LETM2: variants seen among roughly 807,000 people sequenced by gnomAD.
LETM2 encodes LETM1 domain-containing protein LETM2, mitochondrial.
In LETM2, 58 loss-of-function variants were observed where a neutral mutation model predicts 59.6. The ratio of observed to expected loss-of-function variants is 0.97; its 90% CI spans 0.79 to 1.21. The LOEUF is 1.21. Ranked by LOEUF, LETM2 falls within the 50% of genes most tolerant of loss-of-function variation. The probability of loss-of-function intolerance (pLI) is 0.00; values close to 1 mark genes in which losing one functional copy is unlikely to be tolerated. For synonymous variants in LETM2, 199 were observed against 214.1 expected (o/e 0.93, Z 0.62); for missense variants, 572 against 575.7 (o/e 0.99, Z 0.07).
intron 4 of LETM2, among the ~76,000 whole-genome samples, chr8:38,395,415 T>G (rs1050909692): frequency 6.6e-6 from 1 of 152,228 alleles, no homozygotes; most frequent in Non-Finnish European, 1.5e-5. Context: ...TGTAGTGGTA[T>G]CTCACTGTTT....
At chr8:38,393,220 C>T (rs1215671630) in intron 3 of LETM2, 4 of 478,828 alleles carry the variant, frequency 8.4e-6, no homozygotes, top group African/African-American at 5.8e-5. Flanking sequence ...TTAAAAAAAA[C>T]TTTTATTTTA....
At position 38,408,162 on chromosome 8, in the gene LETM2, A is replaced by C. The variant is rs560129696; in HGVS notation, c.1414-50A>C. 2.1e-6 allele frequency: 3 copies of C among 1,442,854 alleles called. No individual in the cohort carries two copies. The African/African-American group carries it at 4.2e-5, about 20-fold the overall frequency. The allele number at this position is 1,442,854 out of a possible 1,614,324, so 89.4% of individuals were successfully genotyped here. A position where few individuals can be genotyped will look rare whatever the true frequency, so the allele number is the denominator to read the frequency against. ...ACAAAAATAGCATTCACTCCTTAAG[A>C]ACTTACACGTCTGTGACTAATGCCT... On this transcript the variant is annotated intron_variant, in intron 10 of 10. Transcript: ENST00000379957.
At chr8:38,390,493 G>C (rs999866501) in intron 2 of LETM2, among the ~76,000 whole-genome samples, 48 of 150,952 alleles carry the variant, frequency 3.2e-4, no homozygotes, top group Admixed American at 5.9e-4. Flanking sequence ...GTGGTGGCAG[G>C]CACCTGTATT....
intron 8 of LETM2, among the ~76,000 whole-genome samples, chr8:38,405,514 C>T (rs1191462802): frequency 6.6e-6 from 1 of 152,186 alleles, no homozygotes; most frequent in African/African-American, 2.4e-5. Context: ...TTGGACAAGC[C>T]AAGGAAAATT....
At position 38,388,030 on chromosome 8, in the gene LETM2, G is replaced by A; in HGVS notation, c.47G>A (p.Arg16Lys). The change falls in exon 2 of 11, where the codon AGA becomes AAA. Residue 16 changes from arginine (R) to lysine (K), a missense_variant and splice_region_variant. By Grantham distance (26) the Arg-to-Lys change is conservative. Transcript: ENST00000379957. ...TCAGTTCTGGCTATTGCTCGAACAA[G>A]GTAAGCATTGGAGTTACCCCCCAAT... is the stretch of plus-strand genomic sequence containing the variant. ...YNSVLAIARTRFPSHFVHPTC... is the reference protein window; with the variant it reads ...YNSVLAIARTKFPSHFVHPTC... The A allele has an allele frequency of 6.6e-7, 1 of 1,521,414 alleles. No individual in the cohort carries two copies. 94.2% of individuals were successfully genotyped at this position (1,521,414 alleles called of 1,614,324 possible).
chr8:38,399,428 C>T (rs1258504087), intron 4 of LETM2, among the ~76,000 whole-genome samples: 4 of 152,108 alleles, frequency 2.6e-5, no homozygotes, highest in Non-Finnish European at 5.9e-5. Context: ...AACCCAGGGC[C>T]ACTCAAGGAG....
At position 38,404,552 on chromosome 8, in the gene LETM2, G is replaced by C. The variant is rs545591988; in HGVS notation, c.1218+46G>C. On this transcript the variant is annotated intron_variant, in intron 8 of 10. Transcript: ENST00000379957. ...GGACCCTCGACGTCCATCCAACTGA[G>C]GCCTCTCCACAAACACTTGGTGTAC... is the stretch of plus-strand genomic sequence containing the variant. 25 of 1,195,384 alleles carry C rather than the reference G, an allele frequency of 2.1e-5. No individual in the cohort carries two copies. The East Asian group carries it at 5.4e-4, about 26-fold the overall frequency. The allele number at this position is 1,195,384 out of a possible 1,614,324, so 74.0% of individuals were successfully genotyped here. A position where few individuals can be genotyped will look rare whatever the true frequency, so the allele number is the denominator to read the frequency against.
At position 38,388,047 on chromosome 8, in the gene LETM2, C is replaced by T; in HGVS notation, c.47+17C>T. The stretch of plus-strand genomic sequence containing the variant: ...TCGAACAAGGTAAGCATTGGAGTTA[C>T]CCCCCAATATGAACGTAATTCTTCT... On this transcript the variant is annotated intron_variant, in intron 2 of 10. Transcript: ENST00000379957. 4 of 1,469,976 alleles carry T rather than the reference C, an allele frequency of 2.7e-6. No homozygotes were observed. Among genetic ancestry groups the T allele is most frequent in the Non-Finnish European group, 3.7e-6 (4 of 1,091,428 alleles). 91.1% of individuals were successfully genotyped at this position (1,469,976 alleles called of 1,614,324 possible).
At chr8:38,404,595 G>C (rs1813558315) in intron 8 of LETM2, 89 bp downstream of exon 8, 1 of 836,294 alleles carries the variant, frequency 1.2e-6, no homozygotes, top group East Asian at 2.5e-5. Context: ...GTTAGAGCAG[G>C]CATTTCTTTT....
intron 7 of LETM2, among the ~76,000 whole-genome samples, chr8:38,402,958 GTTCA>G (rs1294060836): frequency 6.6e-6 from 1 of 152,174 alleles, no homozygotes; most frequent in African/African-American, 2.4e-5. Flanking sequence ...CTGCTTCCAA[GTTCA>G]TTCAGTTTGT....
At chr8:38,404,045 CAG>C (rs1813476965) in intron 7 of LETM2, among the ~76,000 whole-genome samples, 1 of 152,314 alleles carries the variant, frequency 6.6e-6, no homozygotes, top group East Asian at 1.9e-4. Flanking sequence ...TTTGTAGAGA[CAG>C]AGTCACCCTG....
rs1463935232 is a variant in LETM2 at position 38,409,010 on chromosome 8, G to GT, written c.*737dup. 4 of 152,336 alleles carry GT rather than the reference G, an allele frequency of 2.6e-5. No individual in the cohort carries two copies. In the South Asian group the frequency reaches 6.2e-4, roughly 24 times the overall value. 9.4% of individuals were successfully genotyped at this position (152,336 alleles called of 1,614,324 possible). ...TTAACCATGTTTGTGTTGGGTGTGTGTGTTTCTGGCCAGTTTGTCTTTCAC... is the reference window on the plus strand; with the variant it reads ...TTAACCATGTTTGTGTTGGGTGTGTGTTGTTTCTGGCCAGTTTGTCTTTCAC... On this transcript the variant is annotated 3_prime_UTR_variant, in exon 11 of 11. Coordinates refer to ENST00000379957, the MANE Select transcript of LETM2 (RefSeq NM_001286819.2).
chr8:38,395,752 G>C (rs986551914), intron 4 of LETM2, among the ~76,000 whole-genome samples: 3 of 152,094 alleles, frequency 2.0e-5, no homozygotes, highest in Non-Finnish European at 2.9e-5. Context: ...CTGACCTCCG[G>C]TGATCCACAC....
At chr8:38,404,318 G>GA in intron 7 of LETM2, 75 bp from the exon 8 acceptor site, 1 of 1,012,158 alleles carries the variant, frequency 9.9e-7, no homozygotes, top group South Asian at 1.4e-5. Context: ...TGTCAGCCAG[G>GA]GAGGGTAGAT....
chr8:38,386,978 C>T (rs1421503548), intron 1 of LETM2: 8 of 152,264 alleles, frequency 5.3e-5, no homozygotes, highest in African/African-American at 1.9e-4. Flanking sequence ...TCAGGCGCGC[C>T]GAAGCCGCCG....
intron 6 of LETM2, 69 bp downstream of exon 6, chr8:38,401,122 T>C: frequency 7.9e-7 from 1 of 1,264,256 alleles, no homozygotes; most frequent in Non-Finnish European, 1.1e-6. Context: ...GCCTGTGGGA[T>C]GAAGTGTGCA....
At chr8:38,397,268 C>T (rs1812764646) in intron 4 of LETM2, 1 of 395,276 alleles carries the variant, frequency 2.5e-6, no homozygotes, top group Admixed American at 3.0e-5. Flanking sequence ...CCTCCGCCTC[C>T]CGGATGCAAG....
chr8:38,400,732 C>T (rs747121643), intron 5 of LETM2, 121 bp from the exon 6 acceptor site: 3 of 898,252 alleles, frequency 3.3e-6, no homozygotes, highest in African/African-American at 3.3e-5. Flanking sequence ...ACCACGAAGC[C>T]GATTTCCAGA....
intron 2 of LETM2, among the ~76,000 whole-genome samples, chr8:38,391,212 C>CAAAAAAAAAAAAAAAAAAAAAAAAAAAAA (rs1381418029): frequency 8.3e-6 from 1 of 120,118 alleles, no homozygotes; most frequent in Non-Finnish European, 1.8e-5. Context: ...AAAAAAAAAC[C>CAAAAAAAAAAAAAAAAAAAAAAAAAAAAA]AAAAAACTGA....
Sources: gnomAD v4.1 joint callset for allele counts (sites outside exome capture counted in the v4.1 genomes callset) on GRCh38, gnomAD v4.1.1 for gene constraint, MANE v1.5 for transcripts, NCBI Gene and HGNC (gene_info 2026-07-23, HGNC 2026-07-21) for gene names.